SH3PXD2A: variants seen among roughly 807,000 people sequenced by gnomAD.
The protein encoded by SH3PXD2A is SH3 and PX domains 2A.
Under a neutral mutation model 115.2 loss-of-function variants are expected in SH3PXD2A, and 32 were observed. That is an observed-to-expected ratio of 0.28 (90% CI 0.21 to 0.37). SH3PXD2A has a LOEUF of 0.37. Among genes scored for constraint, SH3PXD2A ranks in the 10% least tolerant of loss-of-function variants. The probability of loss-of-function intolerance (pLI) is 1.00; values close to 1 mark genes in which losing one functional copy is unlikely to be tolerated. For missense variants in SH3PXD2A, 1,328 were observed against 1,498.7 expected (o/e 0.89, Z 1.88); for synonymous variants, 610 against 629.1 (o/e 0.97, Z 0.45).
At chr10:103,693,945 G>C (rs1009449549) in intron 5 of SH3PXD2A, among the ~76,000 whole-genome samples, 2 of 152,174 alleles carry the variant, frequency 1.3e-5, no homozygotes, top group Non-Finnish European at 2.9e-5. Context: ...CTGCCCTCCA[G>C]CAAAGAGTCC....
Position 103,596,416 on chromosome 10 carries a change from T to C in SH3PXD2A, c.*5400A>G, listed in dbSNP as rs1251502119. On this transcript the variant is annotated 3_prime_UTR_variant, in exon 15 of 15. Transcript: ENST00000369774. ...AGTGTGAAATTTCCAACTAAATACT[T>C]AATAAAATAATTACAAAAAGAAAAA... 1 of 150,968 alleles carries C rather than the reference T, an allele frequency of 6.6e-6. No individual in the cohort carries two copies. The highest frequency in any genetic ancestry group is 1.5e-5 in the Non-Finnish European group (1 of 67,814). 9.4% of individuals were successfully genotyped at this position (150,968 alleles called of 1,614,324 possible). A position where few individuals can be genotyped will look rare whatever the true frequency, so the allele number is the denominator to read the frequency against.
At position 103,602,837 on chromosome 10, in the gene SH3PXD2A, C is replaced by G; in HGVS notation, c.2381G>C (p.Gly794Ala). The part of the protein sequence containing the change: ...PTGQLRGGLK[G>A]SKSEDSELPP... The stretch of plus-strand genomic sequence containing the variant: ...CAGCTCCGAATCCTCACTCTTGGAG[C>G]CCTTGAGCCCTCCACGGAGCTGGCC... The change falls in exon 15 of 15, where the codon GGC becomes GCC. Residue 794 changes from glycine to alanine, a missense_variant. Transcript: ENST00000369774. The G allele has an allele frequency of 1.2e-6, 2 of 1,614,158 alleles. No individual in the cohort carries two copies. Among genetic ancestry groups the G allele is most frequent in the Non-Finnish European group, 1.7e-6 (2 of 1,180,010 alleles).
rs756167815 is a variant in SH3PXD2A, at chr10:103,603,088, G to A, written c.2130C>T (p.Ser710=). The change falls in exon 15 of 15, where the codon TCC becomes TCT. Residue 710 remains serine (S), a synonymous_variant. Coordinates refer to ENST00000369774, the MANE Select transcript of SH3PXD2A (RefSeq NM_001394015.1). ...CCSSSSSSSS[S]LSKTSGDLKP... ...TCAGGTCGCCACTGGTTTTGGACAA[G>A]GAAGAGGAGGAGGAGGAAGAGGAGG... 1.9e-6 allele frequency: 3 copies of A among 1,613,228 alleles called. No individual in the cohort carries two copies. Among genetic ancestry groups the A allele is most frequent in the Non-Finnish European group, 8.5e-7 (1 of 1,179,950 alleles).
At chr10:103,716,179 A>G (rs375964504) in intron 5 of SH3PXD2A, among the ~76,000 whole-genome samples, 1 of 151,900 alleles carries the variant, frequency 6.6e-6, no homozygotes, top group Non-Finnish European at 1.5e-5. Flanking sequence ...CACCACCTTA[A>G]CCAGCCCGGC....
At chr10:103,780,176 C>G (rs1023708965) in intron 2 of SH3PXD2A, among the ~76,000 whole-genome samples, 5 of 152,234 alleles carry the variant, frequency 3.3e-5, no homozygotes, top group African/African-American at 1.2e-4. Flanking sequence ...CAGGCTGCTG[C>G]TCAAGGCAAG....
At chr10:103,742,169 T>C (rs1264424378) in intron 3 of SH3PXD2A, among the ~76,000 whole-genome samples, 1 of 152,136 alleles carries the variant, frequency 6.6e-6, no homozygotes, top group East Asian at 1.9e-4. Context: ...AACCCAGGAA[T>C]GTATTCTCTG....
At chr10:103,714,027 C>T (rs1413414005) in intron 5 of SH3PXD2A, among the ~76,000 whole-genome samples, 1 of 152,172 alleles carries the variant, frequency 6.6e-6, no homozygotes, top group Non-Finnish European at 1.5e-5. Context: ...AAGGCTGGTC[C>T]CAGTGGCCGA....
intron 1 of SH3PXD2A, among the ~76,000 whole-genome samples, chr10:103,832,749 G>C (rs1023396375): frequency 3.9e-5 from 6 of 152,186 alleles, no homozygotes; most frequent in African/African-American, 1.4e-4. Context: ...ACACACTGGG[G>C]CAGGGTGGGG....
chr10:103,849,398 T>G (rs1169360585), intron 1 of SH3PXD2A, among the ~76,000 whole-genome samples: 1 of 152,276 alleles, frequency 6.6e-6, no homozygotes, highest in Non-Finnish European at 1.5e-5. Flanking sequence ...CTGCATTGCC[T>G]GGCACATAGT....
Position 103,724,294 on chromosome 10 carries a change from G to C in SH3PXD2A, c.374C>G (p.Pro125Arg). Residue 125 changes from proline to arginine, a missense_variant, in exon 5 of 15, where the codon CCC becomes CGC. Physicochemically the swap from Pro to Arg is moderately radical, Grantham distance 103. This residue lies in a region of SH3PXD2A where 90 missense variants were observed against 71.1 expected (regional missense o/e 1.27). Transcript: ENST00000369774. ...DEVFRFFEAR[P>R]EDVNPPKEDY... The stretch of plus-strand genomic sequence containing the variant: ...CTCTTTTGGAGGGTTGACATCCTCG[G>C]GTCGAGCCTCGAAGAACCGGAAGAC... The C allele has an allele frequency of 1.3e-6, 2 of 1,578,462 alleles. No homozygotes were observed. The highest frequency in any genetic ancestry group is 1.7e-6 in the Non-Finnish European group (2 of 1,164,788).
intron 6 of SH3PXD2A, among the ~76,000 whole-genome samples, chr10:103,680,683 T>C (rs1389111057): frequency 2.0e-5 from 3 of 152,194 alleles, no homozygotes; most frequent in Admixed American, 6.5e-5. Flanking sequence ...ATTTTCAAGC[T>C]GGCTGCTTGG....
intron 7 of SH3PXD2A, 145 bp from the exon 8 acceptor site, chr10:103,661,259 C>T: frequency 1.0e-6 from 1 of 984,424 alleles, no homozygotes; most frequent in Non-Finnish European, 1.4e-6. Flanking sequence ...GGGCTCGCAG[C>T]TCACAGGGCG....
chr10:103,845,927 G>A (rs149195213), intron 1 of SH3PXD2A, among the ~76,000 whole-genome samples: 1 of 152,174 alleles, frequency 6.6e-6, no homozygotes, highest in Non-Finnish European at 1.5e-5. Flanking sequence ...ACCCCACCTG[G>A]TACACCCTGC....
intron 11 of SH3PXD2A, among the ~76,000 whole-genome samples, chr10:103,614,985 G>GAGTC (rs1402318900): frequency 6.6e-6 from 1 of 152,192 alleles, no homozygotes; most frequent in African/African-American, 2.4e-5. Context: ...ACGTGGGTGG[G>GAGTC]AGTCAGGGGC....
intron 2 of SH3PXD2A, among the ~76,000 whole-genome samples, chr10:103,772,076 A>G (rs901407263): frequency 3.9e-5 from 6 of 152,218 alleles, no homozygotes; most frequent in Non-Finnish European, 5.9e-5. Flanking sequence ...CAACGAAAGC[A>G]AATCTCTGGG....
At chr10:103,708,510 G>A (rs2038008701) in intron 5 of SH3PXD2A, among the ~76,000 whole-genome samples, 1 of 152,182 alleles carries the variant, frequency 6.6e-6, no homozygotes, top group African/African-American at 2.4e-5. Flanking sequence ...GGGATGGCCT[G>A]GAGGGAGGGA....
chr10:103,662,863 G>A (rs915006151), intron 7 of SH3PXD2A, among the ~76,000 whole-genome samples: 1 of 151,808 alleles, frequency 6.6e-6, no homozygotes, highest in Admixed American at 6.6e-5. Context: ...GGAATGCAGT[G>A]GTGCAATCAT....
chr10:103,631,298 T>C (rs1301894747), intron 8 of SH3PXD2A, among the ~76,000 whole-genome samples: 2 of 152,084 alleles, frequency 1.3e-5, no homozygotes, highest in Admixed American at 6.5e-5. Context: ...TAATAATAAA[T>C]AGAAATTTAC....
intron 5 of SH3PXD2A, among the ~76,000 whole-genome samples, chr10:103,701,394 TCATCCATCCATCCACCATC>T (rs2037901039): frequency 8.7e-6 from 1 of 115,088 alleles, no homozygotes; most frequent in Non-Finnish European, 1.8e-5. Flanking sequence ...CATCCATCCA[TCATCCATCCATCCACCATC>T]CATCCATCCA....
Sources: gnomAD v4.1 joint callset for allele counts (sites outside exome capture counted in the v4.1 genomes callset) on GRCh38, gnomAD v4.1.1 for gene constraint, gnomAD v4.1.1 regional missense constraint, MANE v1.5 for transcripts, NCBI Gene and HGNC (gene_info 2026-07-23, HGNC 2026-07-21) for gene names.